DENND4C: variants seen among roughly 807,000 people sequenced by gnomAD.
DENND4C encodes the protein DENN domain-containing protein 4C.
DENND4C carries 108 observed loss-of-function variants against 203.0 expected under a neutral mutation model. The observed-to-expected ratio is 0.53, with a 90% CI of 0.46 to 0.62. The LOEUF (loss-of-function observed/expected upper bound fraction) is 0.62, where lower values mean the gene tolerates loss of function less well. DENND4C is among the 20% of genes least tolerant of loss of function. The pLI, the probability that DENND4C is intolerant of heterozygous loss-of-function variation, is 0.00. For synonymous variants in DENND4C, 871 were observed against 792.4 expected (o/e 1.10, Z -1.67); for missense variants, 2,481 against 2,301.2 (o/e 1.08, Z -1.60).
At position 19,373,032 on chromosome 9, in the gene DENND4C, C is replaced by T. The variant is rs538575784; in HGVS notation, c.*859C>T. The T allele has an allele frequency of 6.6e-4, 100 of 152,194 alleles. No individual in the cohort carries two copies. The highest frequency in any genetic ancestry group is 2.4e-3 in the African/African-American group (98 of 41,528). The allele number at this position is 152,194 out of a possible 1,614,324, so 9.4% of individuals were successfully genotyped here. A position where few individuals can be genotyped will look rare whatever the true frequency, so the allele number is the denominator to read the frequency against. ...GTCTCATTGACTATTAAATAAATGA[C>T]TACTACTAAACTTGTCTGTAGTCAT... On this transcript the variant is annotated 3_prime_UTR_variant, in exon 33 of 33. Transcript: ENST00000434457.
At chr9:19,231,708 C>A (rs931700379) in intron 1 of DENND4C, among the ~76,000 whole-genome samples, 1 of 151,888 alleles carries the variant, frequency 6.6e-6, no homozygotes, top group Non-Finnish European at 1.5e-5. Context: ...ACCGCGGGTA[C>A]TTGTGCAAAT....
At chr9:19,301,700 AGGC>A (rs1838615738) in intron 9 of DENND4C, among the ~76,000 whole-genome samples, 1 of 152,212 alleles carries the variant, frequency 6.6e-6, no homozygotes, top group Non-Finnish European at 1.5e-5. Flanking sequence ...GCACTTTGGG[AGGC>A]CAAGGCAGGC....
chr9:19,284,759 C>A (rs1370861452), intron 2 of DENND4C, among the ~76,000 whole-genome samples: 1 of 151,858 alleles, frequency 6.6e-6, no homozygotes, highest in East Asian at 1.9e-4. Flanking sequence ...TAATCTTTAC[C>A]TTGATTTTTT....
At chr9:19,313,686 C>T (rs893463298) in intron 10 of DENND4C, among the ~76,000 whole-genome samples, 12 of 152,134 alleles carry the variant, frequency 7.9e-5, no homozygotes, top group African/African-American at 2.4e-4. Flanking sequence ...TTTTATTAGA[C>T]GTTTATCCTT....
intron 2 of DENND4C, among the ~76,000 whole-genome samples, chr9:19,278,871 C>T (rs1036522876): frequency 6.6e-6 from 1 of 151,362 alleles, no homozygotes; most frequent in Non-Finnish European, 1.5e-5. Flanking sequence ...CTCCACTCTG[C>T]CCCCCCAGAA....
chr9:19,303,734 G>A (rs1226068038), intron 9 of DENND4C, among the ~76,000 whole-genome samples: 1 of 152,106 alleles, frequency 6.6e-6, no homozygotes, highest in East Asian at 1.9e-4. Flanking sequence ...GCATTTCTTT[G>A]GGGTGAGTGA....
chr9:19,365,860 A>G lies in DENND4C; in HGVS notation c.5524+3897A>G, dbSNP rs114650790. ...ATTAGAACAAAATACTTATGGATAAATTGAACCAAAGAAATGCAAAACTTA... is the reference window on the plus strand; with the variant it reads ...ATTAGAACAAAATACTTATGGATAAGTTGAACCAAAGAAATGCAAAACTTA... On this transcript the variant is annotated intron_variant, in intron 30 of 32. Transcript: ENST00000434457. 5.6e-3 allele frequency among the ~76,000 whole-genome samples: 852 copies of G among 152,160 alleles called. 7 individuals are homozygous for G. Among genetic ancestry groups the G allele is most frequent in the African/African-American group, 0.019 (769 of 41,562 alleles).
intron 9 of DENND4C, among the ~76,000 whole-genome samples, chr9:19,301,780 T>C (rs1470436556): frequency 6.6e-6 from 1 of 151,878 alleles, no homozygotes; most frequent in East Asian, 1.9e-4. Context: ...CTACTAAAAA[T>C]ACAAAAATTA....
chr9:19,262,076 C>CTTTTTTTTTTTTTTTTTTT (rs60223074), intron 1 of DENND4C, among the ~76,000 whole-genome samples: 1 of 55,526 alleles, frequency 1.8e-5, no homozygotes, highest in Non-Finnish European at 3.4e-5. Context: ...TTTATTAGTT[C>CTTTTTTTTTTTTTTTTTTT]TTTTTTTTTT....
chr9:19,245,604 C>G (rs1260528187), intron 1 of DENND4C, among the ~76,000 whole-genome samples: 1 of 152,010 alleles, frequency 6.6e-6, no homozygotes, highest in East Asian at 1.9e-4. Flanking sequence ...CTCCTGTAAT[C>G]CCAGCACTTT....
intron 30 of DENND4C, among the ~76,000 whole-genome samples, chr9:19,364,132 A>T (rs568560270): frequency 1.8e-4 from 27 of 152,176 alleles, no homozygotes; most frequent in Admixed American, 9.2e-4. Flanking sequence ...GCAGTTAGCT[A>T]TGATTGCACC....
chr9:19,258,700 G>A (rs958837898), intron 1 of DENND4C, among the ~76,000 whole-genome samples: 1 of 151,432 alleles, frequency 6.6e-6, no homozygotes, highest in Admixed American at 6.6e-5. Context: ...CTGTTTCCAG[G>A]TTGGAGTGCA....
intron 30 of DENND4C, among the ~76,000 whole-genome samples, chr9:19,369,325 A>G (rs1828312665): frequency 6.6e-6 from 1 of 152,172 alleles, no homozygotes; most frequent in Non-Finnish European, 1.5e-5. Flanking sequence ...ATATTAGAAG[A>G]GAAAGGCAGA....
At chr9:19,275,385 C>T (rs116273988) in intron 1 of DENND4C, among the ~76,000 whole-genome samples, 3,101 of 151,102 alleles carry the variant, frequency 0.021, 122 homozygotes, top group African/African-American at 0.071. Context: ...CTCCGCCTTC[C>T]GGGGTCGAGC....
chr9:19,371,707 GTTT>G, intron 31 of DENND4C, 46 bp from the exon 32 acceptor site: 1 of 972,938 alleles, frequency 1.0e-6, no homozygotes, highest in South Asian at 1.5e-5. Context: ...ATGCATCTGT[GTTT>G]TTATGCTATT....
intron 1 of DENND4C, among the ~76,000 whole-genome samples, chr9:19,269,370 G>T (rs1831162757): frequency 6.6e-6 from 1 of 152,128 alleles, no homozygotes; most frequent in African/African-American, 2.4e-5. Context: ...CGTTGGCCAG[G>T]CTGGTCTCGA....
Position 19,335,100 on chromosome 9 carries a change from A to G in DENND4C, c.2584A>G (p.Asn862Asp). Residue 862 changes from asparagine (N) to aspartate (D), a missense_variant, in exon 18 of 33, where the codon AAT becomes GAT. Around this residue, in one of 3 missense-constraint regions of DENND4C, gnomAD observed 2,289 missense variants for 2,113.3 expected, o/e 1.08. Coordinates refer to ENST00000434457, the MANE Select transcript of DENND4C (RefSeq NM_001330640.2). ...KPNAITYGYY[N>D]KVVLESPWPS... ...TAATGCTATTACTTATGGTTATTAT[A>G]ATAAGGTAAGTAGGATCGACATTAG... The G allele has an allele frequency of 6.3e-7, 1 of 1,593,166 alleles. No homozygotes were observed. The highest frequency in any genetic ancestry group is 2.3e-5 in the East Asian group (1 of 44,280).
At chr9:19,295,562 C>G (rs1332937110) in intron 5 of DENND4C, among the ~76,000 whole-genome samples, 3 of 150,796 alleles carry the variant, frequency 2.0e-5, no homozygotes, top group Non-Finnish European at 4.4e-5. Flanking sequence ...GTAATGCCAG[C>G]TACTCGGGAG....
chr9:19,350,982 C>T lies in DENND4C; in HGVS notation c.4495+103C>T, dbSNP rs2803125. ...TTTGTCTTGTTGCCCAGGCTGGTCT[C>T]GAACTCCTGGGCTCAAGCAATCTGC... On this transcript the variant is annotated intron_variant, in intron 24 of 32. Coordinates refer to ENST00000434457, the MANE Select transcript of DENND4C (RefSeq NM_001330640.2). 1.5e-4 allele frequency: 184 copies of T among 1,233,744 alleles called. 1 individual carries two copies. In the African/African-American group the frequency reaches 2.3e-3, roughly 16 times the overall value. 76.4% of individuals were successfully genotyped at this position (1,233,744 alleles called of 1,614,324 possible). A position where few individuals can be genotyped will look rare whatever the true frequency, so the allele number is the denominator to read the frequency against.
Sources: allele counts gnomAD v4.1 joint callset (sites outside exome capture counted in the v4.1 genomes callset), GRCh38; gene constraint gnomAD v4.1.1; regional missense constraint gnomAD v4.1.1; transcripts MANE v1.5; gene names NCBI Gene and HGNC (gene_info 2026-07-23, HGNC 2026-07-21).